NMNAT3: variants seen among roughly 807,000 people sequenced by gnomAD.
NMNAT3 encodes nicotinamide nucleotide adenylyltransferase 3.
NMNAT3 carries 21 observed loss-of-function variants against 24.8 expected under a neutral mutation model. That is an observed-to-expected ratio of 0.85 (90% confidence interval 0.60 to 1.22). NMNAT3 has a LOEUF of 1.22. Among genes scored for constraint, NMNAT3 ranks in the 50% most tolerant of loss-of-function variants. NMNAT3 has a pLI of 0.00. For missense variants in NMNAT3, 387 were observed against 436.6 expected, an observed-to-expected ratio of 0.89 and a Z score of 1.01; for synonymous variants, 136 against 155.2, an observed-to-expected ratio of 0.88 and a Z score of 0.92.
At chr3:139,603,874 T>G (rs1362670023) in intron 3 of NMNAT3, among the ~76,000 whole-genome samples, 1 of 152,116 alleles carries the variant, frequency 6.6e-6, no homozygotes, top group Admixed American at 6.6e-5. Context: ...CACATCCAGA[T>G]GAAGAAAGAA....
At chr3:139,608,797 A>G (rs1379973840) in intron 3 of NMNAT3, among the ~76,000 whole-genome samples, 1 of 152,164 alleles carries the variant, frequency 6.6e-6, no homozygotes. Context: ...TGTAGTTTTC[A>G]TGTAATCATC....
intron 3 of NMNAT3, chr3:139,584,188 T>G (rs191676808): frequency 6.5e-6 from 1 of 153,186 alleles, no homozygotes; most frequent in Non-Finnish European, 1.5e-5. Flanking sequence ...ACTAATTAAT[T>G]TGCAGTCTGC....
In NMNAT3 at chr3:139,596,954, A is replaced by G. The variant is rs867067440; in HGVS notation, c.110-13746T>C. On this transcript the variant is annotated intron_variant, in intron 3 of 6. Coordinates refer to ENST00000643695, the MANE Select transcript of NMNAT3 (RefSeq NM_001320510.2). ...TATATATATATATATATATATATAT[A>G]TATATATATATTTTTATTACATTGC... Among the ~76,000 whole-genome samples, 133 of 75,460 alleles carry G rather than the reference A, an allele frequency of 1.8e-3. 5 individuals carry two copies. The South Asian group carries it at 0.042, about 24-fold the overall frequency. The allele number at this position is 75,460 out of a possible 152,430, so 49.5% of individuals were successfully genotyped here. A position where few individuals can be genotyped will look rare whatever the true frequency, so the allele number is the denominator to read the frequency against.
intron 2 of NMNAT3, among the ~76,000 whole-genome samples, chr3:139,632,531 A>G (rs181697428): frequency 1.3e-5 from 2 of 152,318 alleles, no homozygotes; most frequent in East Asian, 3.9e-4. Flanking sequence ...ACTGGTTTTC[A>G]GAGTCCGTCC....
chr3:139,572,530 A>T (rs1938557933), intron 6 of NMNAT3, among the ~76,000 whole-genome samples: 1 of 152,116 alleles, frequency 6.6e-6, no homozygotes, highest in African/African-American at 2.4e-5. Flanking sequence ...AAGGGAAGAC[A>T]CCTGGGAATT....
At chr3:139,608,992 T>C (rs1042017913) in intron 3 of NMNAT3, among the ~76,000 whole-genome samples, 4 of 152,234 alleles carry the variant, frequency 2.6e-5, no homozygotes, top group Non-Finnish European at 5.9e-5. Flanking sequence ...TTGAATCACA[T>C]AGTATGTAAC....
intron 1 of NMNAT3, among the ~76,000 whole-genome samples, chr3:139,654,017 G>T (rs1161208527): frequency 6.6e-6 from 1 of 152,164 alleles, no homozygotes; most frequent in Non-Finnish European, 1.5e-5. Flanking sequence ...CCAGGAGCTA[G>T]TAGAGTACAG....
intron 6 of NMNAT3, among the ~76,000 whole-genome samples, chr3:139,564,001 T>G (rs1043727857): frequency 1.3e-5 from 2 of 152,170 alleles, no homozygotes; most frequent in Non-Finnish European, 2.9e-5. Flanking sequence ...GAAGTGCCAC[T>G]AGGATCTTTG....
chr3:139,561,094 C>T lies in NMNAT3; in HGVS notation c.957G>A (p.Thr319=), dbSNP rs34929612. 3,140 of 1,613,950 alleles carry T rather than the reference C, an allele frequency of 1.9e-3. 60 individuals carry two copies. In the African/African-American group the frequency reaches 0.037, roughly 19 times the overall value. Residue 319 remains threonine (T), a synonymous_variant, in exon 7 of 7, where the codon ACG becomes ACA. Coordinates refer to ENST00000643695, the MANE Select transcript of NMNAT3 (RefSeq NM_001320510.2). The stretch of plus-strand genomic sequence containing the variant: ...TGTAGAGGCCATGGTCCTTGATGTA[C>T]GTGATGACAGCATCGGGAATCAGGT...
At chr3:139,604,892 G>A (rs1268978693) in intron 3 of NMNAT3, among the ~76,000 whole-genome samples, 1 of 152,176 alleles carries the variant, frequency 6.6e-6, no homozygotes, top group African/African-American at 2.4e-5. Flanking sequence ...ACCAACAAGT[G>A]CAAAGCAGTG....
chr3:139,629,919 G>C (rs1001944273), intron 2 of NMNAT3, among the ~76,000 whole-genome samples: 2 of 152,066 alleles, frequency 1.3e-5, no homozygotes, highest in Non-Finnish European at 2.9e-5. Flanking sequence ...TTACCTGCTA[G>C]GTACCTATAT....
At chr3:139,628,628 G>A (rs188782410) in intron 2 of NMNAT3, among the ~76,000 whole-genome samples, 196 of 152,314 alleles carry the variant, frequency 1.3e-3, no homozygotes, top group African/African-American at 4.4e-3. Flanking sequence ...GAGGTTAAAG[G>A]TGAGAAGGAA....
At chr3:139,607,124 A>G (rs980500455) in intron 3 of NMNAT3, among the ~76,000 whole-genome samples, 8 of 151,724 alleles carry the variant, frequency 5.3e-5, no homozygotes, top group Non-Finnish European at 1.2e-4. Flanking sequence ...TTAGAAGGCA[A>G]AGCTAGAAAA....
intron 1 of NMNAT3, among the ~76,000 whole-genome samples, chr3:139,650,642 T>C (rs933090212): frequency 3.3e-5 from 5 of 152,196 alleles, no homozygotes; most frequent in Admixed American, 1.3e-4. Context: ...TCTTTGGCTG[T>C]GGAGACTTTT....
chr3:139,634,240 G>A (rs1018663903), intron 2 of NMNAT3: 12 of 152,366 alleles, frequency 7.9e-5, no homozygotes, highest in Middle Eastern at 3.4e-3. Flanking sequence ...TCGCTTGGGA[G>A]GCAGTCAATT....
At chr3:139,642,232 T>C (rs2056729879) in intron 1 of NMNAT3, among the ~76,000 whole-genome samples, 1 of 152,186 alleles carries the variant, frequency 6.6e-6, no homozygotes, top group Admixed American at 6.5e-5. Flanking sequence ...AAAATATCTT[T>C]ATTGCTAAAG....
chr3:139,655,534 TTA>T (rs2057211513), intron 1 of NMNAT3, among the ~76,000 whole-genome samples: 1 of 152,242 alleles, frequency 6.6e-6, no homozygotes, highest in Non-Finnish European at 1.5e-5. Context: ...AAACATATGC[TTA>T]TGTTTCCATT....
intron 5 of NMNAT3, among the ~76,000 whole-genome samples, chr3:139,578,140 C>T (rs560469728): frequency 2.4e-4 from 36 of 152,312 alleles, no homozygotes; most frequent in South Asian, 1.0e-3. Flanking sequence ...AGAGGTGGGA[C>T]TTCCTGCTTC....
rs2057722976 is a variant in NMNAT3, at chr3:139,670,499, G to A, written c.-141+7206C>T. On this transcript the variant is annotated intron_variant, in intron 1 of 6. Coordinates refer to ENST00000643695, the MANE Select transcript of NMNAT3 (RefSeq NM_001320510.2). ...CCTACCTTTTGCTAGTGCTTCCTGG[G>A]GTCCACTTTCAAATAAACTACTCAG... Among the ~76,000 whole-genome samples the A allele has an allele frequency of 6.6e-5, 10 of 152,238 alleles. No individual in the cohort carries two copies. In the South Asian group the frequency reaches 2.1e-3, roughly 32 times the overall value.
Sources: allele counts gnomAD v4.1 joint callset (sites outside exome capture counted in the v4.1 genomes callset), GRCh38; gene constraint gnomAD v4.1.1; transcripts MANE v1.5; gene names NCBI Gene and HGNC (gene_info 2026-07-23, HGNC 2026-07-21).